Variants in ZNF362 observed in about 807,000 individuals in gnomAD.
ZNF362 encodes zinc finger protein 362.
ZNF362 carries 11 observed loss-of-function variants against 42.9 expected under a neutral mutation model. The observed-to-expected ratio is 0.26, with a 90% CI of 0.16 to 0.42. The LOEUF is 0.42. ZNF362 is among the 20% of genes least tolerant of loss of function. The probability of loss-of-function intolerance (pLI) is 1.00; values close to 1 mark genes in which losing one functional copy is unlikely to be tolerated. For synonymous variants in ZNF362, 255 were observed against 257.3 expected, an observed-to-expected ratio of 0.99 and a Z score of 0.09; for missense variants, 362 against 576.2, an observed-to-expected ratio of 0.63 and a Z score of 3.81.
intron 1 of ZNF362, among the ~76,000 whole-genome samples, chr1:33,263,062 C>T (rs1330200591): frequency 6.6e-6 from 1 of 152,276 alleles, no homozygotes; most frequent in Admixed American, 6.5e-5. Context: ...CAGCTCTGTT[C>T]ACTCAGGCCT....
Position 33,280,108 on chromosome 1 carries a change from C to A in ZNF362, c.350-16C>A, listed in dbSNP as rs769061181. 1 of 1,547,276 alleles carries A rather than the reference C, an allele frequency of 6.5e-7. No individual in the cohort carries two copies. The highest frequency in any genetic ancestry group is 8.8e-7 in the Non-Finnish European group (1 of 1,141,178). ...CAGCTCCGCTCACCCCTGCCCCCAC[C>A]CACCTGTCTTCGCAGGTCTGGGGCT... On this transcript the variant is annotated splice_polypyrimidine_tract_variant and intron_variant, in intron 4 of 8. Transcript: ENST00000539719. The surrounding 1 kb of genome is among the most constrained non-coding windows in gnomAD (Gnocchi z 5.6).
chr1:33,136,631 A>G, the ZNF362 span, among the ~76,000 whole-genome samples: 1,270 of 151,612 alleles, frequency 8.4e-3, 18 homozygotes, highest in African/African-American at 0.029. Context: ...CAGCCTCCCA[A>G]AGTGCTGGGA....
chr1:33,185,768 AT>A, the ZNF362 span, among the ~76,000 whole-genome samples: 497 of 151,470 alleles, frequency 3.3e-3, 13 homozygotes, highest in East Asian at 1.4e-3. Context: ...AACATCAGGA[AT>A]TTTTTTTTCT....
At chr1:33,293,197 G>A (rs1216748418) in intron 6 of ZNF362, among the ~76,000 whole-genome samples, 1 of 152,230 alleles carries the variant, frequency 6.6e-6, no homozygotes, top group African/African-American at 2.4e-5. Context: ...AATCTGGAAG[G>A]ATGAGCTGAC....
chr1:33,167,893 G>A, the ZNF362 span, among the ~76,000 whole-genome samples: 1 of 152,194 alleles, frequency 6.6e-6, no homozygotes, highest in Admixed American at 6.5e-5. The surrounding 1 kb of genome is among the most constrained non-coding windows in gnomAD (Gnocchi z 4.2). Flanking sequence ...CATTTCTTGG[G>A]CAACTATTAT....
chr1:33,190,040 A>T, the ZNF362 span, among the ~76,000 whole-genome samples: 1 of 152,206 alleles, frequency 6.6e-6, no homozygotes, highest in Admixed American at 6.5e-5. Context: ...GAATTCCCCA[A>T]CTATAGAAAT....
rs143278953 is a variant in ZNF362, at chr1:33,281,677, G to T, written c.774G>T (p.Pro258=). 6.2e-7 allele frequency: 1 copy of T among 1,614,212 alleles called. No homozygotes were observed. Among genetic ancestry groups the T allele is most frequent in the Non-Finnish European group, 8.5e-7 (1 of 1,180,038 alleles). The change falls in exon 6 of 9, where the codon CCG becomes CCT. Residue 258 remains proline, a synonymous_variant. Transcript: ENST00000539719. This position sits in a 1 kb window ranked among gnomAD's most constrained non-coding sequence, Gnocchi z 4.8. ...SHTEAKPHKC[P]HCSKSFANAS... is the part of the protein sequence containing the mutation. ...CAGAGGCCAAGCCCCACAAGTGCCC[G>T]CACTGCTCCAAGTCCTTTGCCAACG...
chr1:33,183,415 T>C, the ZNF362 span, among the ~76,000 whole-genome samples: 1 of 152,232 alleles, frequency 6.6e-6, no homozygotes, highest in Non-Finnish European at 1.5e-5. Flanking sequence ...AGTTGGTTGC[T>C]CATGCAACAG....
At chr1:33,238,808 C>G in the ZNF362 span, among the ~76,000 whole-genome samples, 5 of 152,232 alleles carry the variant, frequency 3.3e-5, no homozygotes, top group South Asian at 6.2e-4. Flanking sequence ...TCCCTCTCGA[C>G]GTATGCACAC....
the ZNF362 span, among the ~76,000 whole-genome samples, chr1:33,129,890 GC>G: frequency 6.6e-6 from 1 of 152,088 alleles, no homozygotes; most frequent in Non-Finnish European, 1.5e-5. The surrounding 1 kb of genome is among the most constrained non-coding windows in gnomAD (Gnocchi z 4.1). Flanking sequence ...ACGGAGTTTT[GC>G]TTTTGTTGGT....
rs781344302 is a variant in ZNF362 at position 33,276,551 on chromosome 1, C to G, written c.306C>G (p.Pro102=). 2.0e-6 allele frequency: 3 copies of G among 1,470,664 alleles called. No individual in the cohort carries two copies. Among genetic ancestry groups the G allele is most frequent in the Admixed American group, 2.4e-5 (1 of 42,418 alleles). 91.1% of individuals were successfully genotyped at this position (1,470,664 alleles called of 1,614,324 possible). Residue 102 remains proline, a synonymous_variant, in exon 4 of 9, where the codon CCC becomes CCG. Transcript: ENST00000539719. ...TGCATCCACAGGCGGTGCCGCAGCCCGACGTGGCGCTGCACGCACGGCCGG... is the reference window on the plus strand; with the variant it reads ...TGCATCCACAGGCGGTGCCGCAGCCGGACGTGGCGCTGCACGCACGGCCGG... The part of the protein sequence containing the change: ...PGLHPQAVPQ[P]DVALHARPAT...
Position 33,276,605 on chromosome 1 carries a change from C to T in ZNF362, c.349+11C>T, listed in dbSNP as rs747436122. 9.4e-5 allele frequency: 124 copies of T among 1,324,764 alleles called. No individual in the cohort carries two copies. The highest frequency in any genetic ancestry group is 1.2e-4 in the Non-Finnish European group (122 of 1,041,392). The allele number at this position is 1,324,764 out of a possible 1,614,324, so 82.1% of individuals were successfully genotyped here. A position where few individuals can be genotyped will look rare whatever the true frequency, so the allele number is the denominator to read the frequency against. ...CCAGCACCGTCACAGGTAGGCCGAG[C>T]GGGCGGGGCCGGCGGGGCCGGTGAG... On this transcript the variant is annotated intron_variant, in intron 4 of 8. Coordinates refer to ENST00000539719, the MANE Select transcript of ZNF362 (RefSeq NM_152493.3).
intron 8 of ZNF362, among the ~76,000 whole-genome samples, chr1:33,298,523 C>T (rs1355324270): frequency 6.6e-6 from 1 of 152,166 alleles, no homozygotes; most frequent in Non-Finnish European, 1.5e-5. Context: ...TGTCCAAGTT[C>T]TCACCACTAA....
At chr1:33,221,115 C>T in the ZNF362 span, among the ~76,000 whole-genome samples, 1 of 152,046 alleles carries the variant, frequency 6.6e-6, no homozygotes, top group African/African-American at 2.4e-5. Flanking sequence ...ACCATCAGCC[C>T]GAGGCGTGGA....
the ZNF362 span, among the ~76,000 whole-genome samples, chr1:33,218,133 C>T: frequency 6.6e-6 from 1 of 152,088 alleles, no homozygotes; most frequent in African/African-American, 2.4e-5. Flanking sequence ...TTTCTAGATG[C>T]AGAACAGTTA....
the ZNF362 span, chr1:33,165,627 C>A: frequency 7.0e-7 from 1 of 1,437,878 alleles, no homozygotes; most frequent in Non-Finnish European, 9.4e-7. The surrounding 1 kb of genome is among the most constrained non-coding windows in gnomAD (Gnocchi z 4.0). Flanking sequence ...GCATTCAGCC[C>A]TGACCACTGC....
the ZNF362 span, among the ~76,000 whole-genome samples, chr1:33,207,118 A>T: frequency 6.9e-6 from 1 of 145,130 alleles, no homozygotes. Flanking sequence ...ACTCCCCAAC[A>T]GGCCCCGGTG....
At chr1:33,163,682 A>G in the ZNF362 span, 4 of 152,096 alleles carry the variant, frequency 2.6e-5, no homozygotes, top group African/African-American at 9.7e-5. Flanking sequence ...AGAATGCATC[A>G]CCCCGCCAGG....
chr1:33,247,509 C>G, the ZNF362 span, among the ~76,000 whole-genome samples: 1 of 152,198 alleles, frequency 6.6e-6, no homozygotes, highest in African/African-American at 2.4e-5. Flanking sequence ...ATTTCCCCAT[C>G]ATGTCCCTAT....
Sources: gnomAD v4.1 joint callset for allele counts (sites outside exome capture counted in the v4.1 genomes callset) on GRCh38, gnomAD v4.1.1 for gene constraint, Gnocchi (gnomAD v3.1) non-coding constraint, MANE v1.5 for transcripts, NCBI Gene and HGNC (gene_info 2026-07-23, HGNC 2026-07-21) for gene names.